Variants in PTPRD observed in about 807,000 individuals in gnomAD.
PTPRD encodes the protein protein tyrosine phosphatase receptor type D.
PTPRD carries 34 observed loss-of-function variants against 214.5 expected under a neutral mutation model. The ratio of observed to expected loss-of-function variants is 0.16; its 90% confidence interval spans 0.12 to 0.21. The LOEUF (loss-of-function observed/expected upper bound fraction) is 0.21. Among genes scored for constraint, PTPRD ranks in the 10% least tolerant of loss-of-function variants. PTPRD has a pLI of 1.00. For missense variants in PTPRD, 2,545 were observed against 2,398.7 expected (o/e 1.06, Z -1.27); for synonymous variants, 1,128 against 845.7 (o/e 1.33, Z -5.79).
At chr9:8,791,606 C>T (rs1257231536) in intron 11 of PTPRD, among the ~76,000 whole-genome samples, 1 of 147,202 alleles carries the variant, frequency 6.8e-6, no homozygotes, top group East Asian at 2.0e-4. Flanking sequence ...CGGCTCACTG[C>T]AACCTGTGTC....
chr9:10,142,772 T>C (rs1439683643), intron 3 of PTPRD, among the ~76,000 whole-genome samples: 2 of 148,894 alleles, frequency 1.3e-5, no homozygotes, highest in Middle Eastern at 3.4e-3. Flanking sequence ...ATCCCATTAC[T>C]GGGTATATAC....
intron 3 of PTPRD, among the ~76,000 whole-genome samples, chr9:10,269,295 G>C (rs760310059): frequency 1.1e-4 from 16 of 152,218 alleles, no homozygotes; most frequent in Non-Finnish European, 2.2e-4. Context: ...GCAAGGGCTT[G>C]TGTATGTGTA....
intron 11 of PTPRD, among the ~76,000 whole-genome samples, chr9:8,964,179 A>G (rs7041021): frequency 0.99 from 127,558 of 129,110 alleles, 63,034 homozygotes; most frequent in Middle Eastern, 1. Context: ...GAATCTATCT[A>G]GTTCAGGGCT....
chr9:8,635,081 T>A (rs1453725034), intron 13 of PTPRD, among the ~76,000 whole-genome samples: 1 of 147,572 alleles, frequency 6.8e-6, no homozygotes, highest in African/African-American at 2.5e-5. Context: ...TAAATATATA[T>A]TATATATATA....
chr9:8,693,294 A>G (rs975955220), intron 12 of PTPRD, among the ~76,000 whole-genome samples: 2 of 152,118 alleles, frequency 1.3e-5, no homozygotes, highest in African/African-American at 4.8e-5. Context: ...CTTGTCTCCT[A>G]TGGACTTGAA....
At position 10,422,061 on chromosome 9, in the gene PTPRD, T is replaced by C. The variant is rs149997036; in HGVS notation, c.-599-81044A>G. Among the ~76,000 whole-genome samples the C allele has an allele frequency of 1.2e-3, 182 of 152,072 alleles. 4 individuals carry two copies. The East Asian group carries it at 0.029, about 24-fold the overall frequency. On this transcript the variant is annotated intron_variant, in intron 2 of 45. Transcript: ENST00000381196. Reference sequence around the variant, plus strand: ...CATCACGCTACCTGACTTCAAACTATACTACAAGGATACAGTAACCAAAAC... The same window carrying C: ...CATCACGCTACCTGACTTCAAACTACACTACAAGGATACAGTAACCAAAAC...
At chr9:9,292,976 A>G (rs1473667925) in intron 9 of PTPRD, among the ~76,000 whole-genome samples, 1 of 151,482 alleles carries the variant, frequency 6.6e-6, no homozygotes, top group Non-Finnish European at 1.5e-5. Context: ...CATCTTGATT[A>G]CCTGCTTAAG....
intron 3 of PTPRD, among the ~76,000 whole-genome samples, chr9:10,185,109 G>GT (rs2154312466): frequency 6.6e-6 from 1 of 152,174 alleles, no homozygotes; most frequent in Non-Finnish European, 1.5e-5. Flanking sequence ...CAGCTCTTTT[G>GT]TAACACTATT....
chr9:8,351,055 T>G (rs2075304296), intron 39 of PTPRD, among the ~76,000 whole-genome samples: 1 of 152,152 alleles, frequency 6.6e-6, no homozygotes, highest in South Asian at 2.1e-4. Context: ...CAAGTTAACT[T>G]AGTAAAACAA....
chr9:9,094,542 G>A (rs2099780790), intron 10 of PTPRD, among the ~76,000 whole-genome samples: 2 of 152,096 alleles, frequency 1.3e-5, no homozygotes, highest in African/African-American at 2.4e-5. Flanking sequence ...GGGAGGGACT[G>A]AAGGATCAAA....
chr9:10,476,911 G>T (rs753176804), intron 2 of PTPRD, among the ~76,000 whole-genome samples: 1 of 152,124 alleles, frequency 6.6e-6, no homozygotes, highest in Non-Finnish European at 1.5e-5. Flanking sequence ...AATAAATGGT[G>T]CTGTAAAAAC....
At chr9:8,317,982 C>A (rs534091225) in intron 45 of PTPRD, 40 bp from the exon 46 acceptor site, 1 of 1,539,446 alleles carries the variant, frequency 6.5e-7, no homozygotes, top group South Asian at 1.1e-5. Context: ...AAAGAAGGGA[C>A]CATGAGCATA....
intron 11 of PTPRD, among the ~76,000 whole-genome samples, chr9:8,986,546 T>A (rs923760017): frequency 1.3e-5 from 2 of 152,022 alleles, no homozygotes; most frequent in Non-Finnish European, 2.9e-5. Context: ...AAATCTACTT[T>A]TGTTAATTTA....
chr9:9,218,478 T>A (rs1444879596), intron 9 of PTPRD, among the ~76,000 whole-genome samples: 2 of 152,068 alleles, frequency 1.3e-5, no homozygotes, highest in African/African-American at 4.8e-5. Context: ...ACAAGAAAAA[T>A]AAAATGAAAT....
chr9:9,588,357 A>C (rs1304748125), intron 7 of PTPRD, among the ~76,000 whole-genome samples: 3 of 151,982 alleles, frequency 2.0e-5, no homozygotes, highest in Non-Finnish European at 4.4e-5. Context: ...CTATTTTGAC[A>C]GTATGCACAT....
intron 2 of PTPRD, among the ~76,000 whole-genome samples, chr9:10,497,717 G>C (rs2042489642): frequency 6.6e-6 from 1 of 151,850 alleles, no homozygotes; most frequent in Non-Finnish European, 1.5e-5. Flanking sequence ...AAAAAGAAAA[G>C]AATATGAATA....
chr9:8,925,592 T>C (rs751639156), intron 11 of PTPRD, among the ~76,000 whole-genome samples: 1 of 147,652 alleles, frequency 6.8e-6, no homozygotes, highest in Non-Finnish European at 1.5e-5. Context: ...AAGATATTTT[T>C]CATCTGATGA....
intron 8 of PTPRD, among the ~76,000 whole-genome samples, chr9:9,442,705 C>A (rs1026529569): frequency 1.3e-5 from 2 of 152,122 alleles, no homozygotes; most frequent in Non-Finnish European, 2.9e-5. Context: ...AGCTGTAAAT[C>A]AAAAGCTGAA....
chr9:9,714,520 T>C (rs1185416580), intron 7 of PTPRD, among the ~76,000 whole-genome samples: 5 of 152,200 alleles, frequency 3.3e-5, no homozygotes, highest in African/African-American at 9.7e-5. Flanking sequence ...AGTAAGAATA[T>C]TGATTACTCA....
Sources: gnomAD v4.1 joint callset for allele counts (sites outside exome capture counted in the v4.1 genomes callset) on GRCh38, gnomAD v4.1.1 for gene constraint, MANE v1.5 for transcripts, NCBI Gene and HGNC (gene_info 2026-07-23, HGNC 2026-07-21) for gene names.